The following MEOX2 variants were observed in gnomAD, a reference collection of about 807,000 sequenced individuals.
MEOX2 encodes the protein mesenchyme homeobox 2.
MEOX2 carries 11 observed loss-of-function variants against 27.0 expected under a neutral mutation model. The ratio of observed to expected loss-of-function variants is 0.41; its 90% CI spans 0.26 to 0.68. MEOX2 has a LOEUF of 0.68. MEOX2 is among the 30% of genes least tolerant of loss of function. The pLI, the probability that MEOX2 is intolerant of heterozygous loss-of-function variation, is 0.33. For synonymous variants in MEOX2, 189 were observed against 155.4 expected, an observed-to-expected ratio of 1.22 and a Z score of -1.61; for missense variants, 436 against 385.4, an observed-to-expected ratio of 1.13 and a Z score of -1.10.
chr7:15,629,629 A>G (rs1443056072), intron 1 of MEOX2, among the ~76,000 whole-genome samples: 1 of 152,126 alleles, frequency 6.6e-6, no homozygotes, highest in Non-Finnish European at 1.5e-5. Context: ...AAGTGGCACC[A>G]GTGTTGATTA....
chr7:15,670,469 A>G (rs1403887940), intron 1 of MEOX2, among the ~76,000 whole-genome samples: 1 of 152,134 alleles, frequency 6.6e-6, no homozygotes, highest in Non-Finnish European at 1.5e-5. Context: ...CAGTAGCTGA[A>G]GGGTAAGAAA....
chr7:15,664,073 A>G (rs1781958822), intron 1 of MEOX2, among the ~76,000 whole-genome samples: 2 of 152,328 alleles, frequency 1.3e-5, no homozygotes, highest in South Asian at 4.1e-4. Flanking sequence ...TTTTAGCATC[A>G]TGATTGTTAA....
Position 15,681,368 on chromosome 7 carries a change from C to A in MEOX2, c.517+4518G>T, listed in dbSNP as rs534378931. Reference sequence around the variant, plus strand: ...TAAAAACACTAAATGAATAAAATTTCGCAAGCAAGGCAGCATTATCAGGCT... The same window carrying A: ...TAAAAACACTAAATGAATAAAATTTAGCAAGCAAGGCAGCATTATCAGGCT... On this transcript the variant is annotated intron_variant, in intron 1 of 2. Coordinates refer to ENST00000262041, the MANE Select transcript of MEOX2 (RefSeq NM_005924.5). 13 of 151,716 alleles carry A rather than the reference C, an allele frequency of 8.6e-5. No individual in the cohort carries two copies. In the East Asian group the frequency reaches 2.5e-3, roughly 29 times the overall value. The allele number at this position is 151,716 out of a possible 1,614,324, so 9.4% of individuals were successfully genotyped here.
chr7:15,647,193 T>A lies in MEOX2; in HGVS notation c.518-20275A>T, dbSNP rs374497461. On this transcript the variant is annotated intron_variant, in intron 1 of 2. Coordinates refer to ENST00000262041, the MANE Select transcript of MEOX2 (RefSeq NM_005924.5). The stretch of plus-strand genomic sequence containing the variant: ...ATATCATGCCTTAAAAATATTAAAG[T>A]TTCTGTTGAGAAAAAGGTAATCATC... 2.7e-3 allele frequency among the ~76,000 whole-genome samples: 407 copies of A among 152,140 alleles called. 1 individual carries two copies. Among genetic ancestry groups the A allele is most frequent in the African/African-American group, 9.1e-3 (378 of 41,536 alleles).
intron 1 of MEOX2, among the ~76,000 whole-genome samples, chr7:15,655,469 T>G (rs1781804256): frequency 6.6e-6 from 1 of 151,742 alleles, no homozygotes; most frequent in Admixed American, 6.6e-5. Context: ...GATTAGACAA[T>G]TGTTCTGAAA....
chr7:15,611,569 GGTAA>G lies in MEOX2; in HGVS notation c.*814_*817del, dbSNP rs1191871987. On this transcript the variant is annotated 3_prime_UTR_variant, in exon 3 of 3. Transcript: ENST00000262041. The stretch of plus-strand genomic sequence containing the variant: ...TAAGATAGGAAGAATTCAGGAGCTA[GGTAA>G]GTTTTATAATAACGTATTAGCAGCA... 1 of 152,610 alleles carries G rather than the reference GGTAA, an allele frequency of 6.6e-6. No homozygotes were observed. The highest frequency in any genetic ancestry group is 2.4e-5 in the African/African-American group (1 of 41,450). 9.5% of individuals were successfully genotyped at this position (152,610 alleles called of 1,614,324 possible).
rs1473375007 is a variant in MEOX2, at chr7:15,685,926, C to T, written c.477G>A (p.Ala159=). 1 of 1,609,904 alleles carries T rather than the reference C, an allele frequency of 6.2e-7. No individual in the cohort carries two copies. The highest frequency in any genetic ancestry group is 1.1e-5 in the South Asian group (1 of 90,858). The part of the protein sequence containing the change: ...YGRQALSPAE[A]EKRSGGKRKS... ...TCCTCTTGCCGCCGCTTCGCTTCTC[C>T]GCCTCCGCAGGTGACAGTGCCTGGC... The change falls in exon 1 of 3, where the codon GCG becomes GCA. Residue 159 remains alanine (A), a synonymous_variant. Transcript: ENST00000262041.
intron 2 of MEOX2, among the ~76,000 whole-genome samples, chr7:15,613,687 TG>T (rs1186850016): frequency 3.9e-5 from 6 of 152,132 alleles, no homozygotes; most frequent in Non-Finnish European, 5.9e-5. Flanking sequence ...TTTATTTGTT[TG>T]TTAGGTTTAT....
chr7:15,643,978 C>T (rs1418612874), intron 1 of MEOX2, among the ~76,000 whole-genome samples: 2 of 152,180 alleles, frequency 1.3e-5, no homozygotes, highest in African/African-American at 4.8e-5. Context: ...ACTGCAGGAA[C>T]AGTCAGGCAG....
intron 2 of MEOX2, among the ~76,000 whole-genome samples, chr7:15,613,776 A>G (rs2115351614): frequency 6.6e-6 from 1 of 152,116 alleles, no homozygotes; most frequent in African/African-American, 2.4e-5. Flanking sequence ...ATTTTTTATC[A>G]TTGTATAATA....
chr7:15,612,172 G>T lies in MEOX2; in HGVS notation c.*215C>A. On this transcript the variant is annotated 3_prime_UTR_variant, in exon 3 of 3. Coordinates refer to ENST00000262041, the MANE Select transcript of MEOX2 (RefSeq NM_005924.5). ...ACCAAACACATCTGGAATATTCAAA[G>T]CAAGTTCACCTTCTCCATCTTCACT... 1.7e-6 allele frequency: 1 copy of T among 584,980 alleles called. No homozygotes were observed. Among genetic ancestry groups the T allele is most frequent in the South Asian group, 2.1e-5 (1 of 47,232 alleles). The allele number at this position is 584,980 out of a possible 1,614,324, so 36.2% of individuals were successfully genotyped here.
At chr7:15,619,455 A>T (rs2214505) in intron 2 of MEOX2, among the ~76,000 whole-genome samples, 102,104 of 151,782 alleles carry the variant, frequency 0.67, 34,580 homozygotes, top group East Asian at 0.81. Flanking sequence ...AGAAACAAAA[A>T]GTGGAAAATT....
intron 2 of MEOX2, among the ~76,000 whole-genome samples, chr7:15,625,373 C>T (rs995353624): frequency 4.6e-5 from 7 of 152,154 alleles, no homozygotes; most frequent in Non-Finnish European, 7.4e-5. Context: ...AAATGCTGTG[C>T]TCCATAACAT....
At chr7:15,643,183 A>G (rs1252493850) in intron 1 of MEOX2, among the ~76,000 whole-genome samples, 1 of 152,162 alleles carries the variant, frequency 6.6e-6, no homozygotes, top group East Asian at 1.9e-4. Context: ...TGATGCTTGC[A>G]GGTGAGAGGC....
At chr7:15,679,043 A>G (rs1002424224) in intron 1 of MEOX2, 2 of 152,194 alleles carry the variant, frequency 1.3e-5, no homozygotes, top group Admixed American at 6.5e-5. Flanking sequence ...TGGACTCTTC[A>G]CAAAACTATA....
rs950647709 is a variant in MEOX2 at position 15,612,209 on chromosome 7, T to A, written c.*178A>T. 3 of 613,838 alleles carry A rather than the reference T, an allele frequency of 4.9e-6. No individual in the cohort carries two copies. The highest frequency in any genetic ancestry group is 1.9e-5 in the African/African-American group (1 of 54,046). 38.0% of individuals were successfully genotyped at this position (613,838 alleles called of 1,614,324 possible). A position where few individuals can be genotyped will look rare whatever the true frequency, so the allele number is the denominator to read the frequency against. Reference sequence around the variant, plus strand: ...TCTCCATCTTCACTGTGGAAGCTCTTTAATAAGTGGCACTTTGTGTAAACC... The same window carrying A: ...TCTCCATCTTCACTGTGGAAGCTCTATAATAAGTGGCACTTTGTGTAAACC... On this transcript the variant is annotated 3_prime_UTR_variant, in exon 3 of 3. Coordinates refer to ENST00000262041, the MANE Select transcript of MEOX2 (RefSeq NM_005924.5).
intron 1 of MEOX2, chr7:15,680,244 A>G (rs1047189925): frequency 2.0e-5 from 3 of 151,948 alleles, no homozygotes; most frequent in Non-Finnish European, 4.4e-5. Context: ...AACATCTGAG[A>G]TGAGCACAAA....
At chr7:15,651,435 A>C (rs1214235210) in intron 1 of MEOX2, among the ~76,000 whole-genome samples, 1 of 152,036 alleles carries the variant, frequency 6.6e-6, no homozygotes, top group Non-Finnish European at 1.5e-5. Flanking sequence ...CTAATCACTC[A>C]AAATAAAAGA....
At chr7:15,658,474 T>C (rs1781860045) in intron 1 of MEOX2, among the ~76,000 whole-genome samples, 2 of 152,194 alleles carry the variant, frequency 1.3e-5, no homozygotes, top group African/African-American at 4.8e-5. Flanking sequence ...ACATTTTTTG[T>C]GTGTATATAT....
Sources: allele counts gnomAD v4.1 joint callset (sites outside exome capture counted in the v4.1 genomes callset), GRCh38; gene constraint gnomAD v4.1.1; transcripts MANE v1.5; gene names NCBI Gene and HGNC (gene_info 2026-07-23, HGNC 2026-07-21).